Variants in CNIH3 observed in about 807,000 individuals in gnomAD.
CNIH3 encodes protein cornichon homolog 3.
A neutral mutation model predicts 24.1 loss-of-function variants in CNIH3; 14 were observed. That is an observed-to-expected ratio of 0.58 (90% confidence interval 0.38 to 0.91). The LOEUF (loss-of-function observed/expected upper bound fraction) is 0.91. Among genes scored for constraint, CNIH3 ranks in the 40% least tolerant of loss-of-function variants. CNIH3 has a pLI of 0.00. For missense variants in CNIH3, 178 were observed against 196.8 expected, an observed-to-expected ratio of 0.90 and a Z score of 0.57; for synonymous variants, 68 against 73.8, an observed-to-expected ratio of 0.92 and a Z score of 0.40.
chr1:224,616,607 G>C lies in CNIH3; in HGVS notation c.-568G>C. ...ACCTACCTCCTCCCGGCTACCTAAA[G>C]ACTCCTTCTCTCGGGAAAGAGCGCT... is the stretch of plus-strand genomic sequence containing the variant. On this transcript the variant is annotated 5_prime_UTR_variant, in exon 1 of 6. Coordinates refer to ENST00000272133, the MANE Select transcript of CNIH3 (RefSeq NM_152495.2). 1 of 987,108 alleles carries C rather than the reference G, an allele frequency of 1.0e-6. No homozygotes were observed. The highest frequency in any genetic ancestry group is 1.2e-6 in the Non-Finnish European group (1 of 831,154). The allele number at this position is 987,108 out of a possible 1,614,324, so 61.1% of individuals were successfully genotyped here. A position where few individuals can be genotyped will look rare whatever the true frequency, so the allele number is the denominator to read the frequency against.
chr1:224,727,916 T>C lies in CNIH3; in HGVS notation c.199-2546T>C, dbSNP rs113602279. ...GCTTTTTTCCCAACCTCCAAAAGGC[T>C]GGAGACCTCCGTGACTAGCTGGCCT... is the stretch of plus-strand genomic sequence containing the variant. On this transcript the variant is annotated intron_variant, in intron 3 of 5. Transcript: ENST00000272133. Among the ~76,000 whole-genome samples the C allele has an allele frequency of 4.6e-3, 702 of 152,306 alleles. 7 individuals carry two copies. The highest frequency in any genetic ancestry group is 0.016 in the African/African-American group (665 of 41,570).
chr1:224,603,879 C>T (rs1027193387), intron 3 of CNIH3, among the ~76,000 whole-genome samples: 2 of 152,142 alleles, frequency 1.3e-5, no homozygotes, highest in South Asian at 2.1e-4. Context: ...AACATTAATA[C>T]GTGTATCCAC....
At chr1:224,485,422 G>C (rs1042020894) in intron 1 of CNIH3, among the ~76,000 whole-genome samples, 1 of 151,992 alleles carries the variant, frequency 6.6e-6, no homozygotes, top group African/African-American at 2.4e-5. Flanking sequence ...TCCATTCCAG[G>C]TAGACTGCTA....
intron 3 of CNIH3, among the ~76,000 whole-genome samples, chr1:224,726,591 C>T (rs1238002684): frequency 6.6e-6 from 1 of 152,138 alleles, no homozygotes; most frequent in Non-Finnish European, 1.5e-5. Flanking sequence ...TCTCTCTATG[C>T]TTTTGCTTTC....
intron 1 of CNIH3, among the ~76,000 whole-genome samples, chr1:224,645,425 G>A (rs1055598914): frequency 7.9e-5 from 12 of 152,256 alleles, no homozygotes; most frequent in African/African-American, 2.2e-4. Flanking sequence ...TCTGTTCAGC[G>A]TTGTACTGGA....
rs190598351 is a variant in CNIH3 at position 224,443,536 on chromosome 1, G to A, written n.203+8674G>A. Among the ~76,000 whole-genome samples, 434 of 152,224 alleles carry A rather than the reference G, an allele frequency of 2.9e-3. 2 individuals are homozygous for A. Among genetic ancestry groups the A allele is most frequent in the South Asian group, 0.018 (85 of 4,822 alleles). On this transcript the variant is annotated intron_variant and non_coding_transcript_variant, in intron 1 of 5. Transcript: ENST00000471578. Reference sequence around the variant, plus strand: ...GGACAAGACAGGAAAGGTCAGCTCAGGGAGAATACAGGAGCTTCTTTTAAG... The same window carrying A: ...GGACAAGACAGGAAAGGTCAGCTCAAGGAGAATACAGGAGCTTCTTTTAAG...
At chr1:224,634,395 C>A (rs1395448854) in intron 1 of CNIH3, among the ~76,000 whole-genome samples, 1 of 151,948 alleles carries the variant, frequency 6.6e-6, no homozygotes. Flanking sequence ...ATAGTGAAAC[C>A]CCGTCTCTAC....
intron 1 of CNIH3, among the ~76,000 whole-genome samples, chr1:224,620,947 A>AC (rs1162044315): frequency 6.6e-6 from 1 of 152,248 alleles, no homozygotes; most frequent in Non-Finnish European, 1.5e-5. Context: ...GTGTTTACTC[A>AC]CAAGAGCCTT....
chr1:224,740,019 T>G lies in CNIH3; in HGVS notation c.*663T>G. 6.6e-6 allele frequency: 1 copy of G among 152,266 alleles called. No individual in the cohort carries two copies. Among genetic ancestry groups the G allele is most frequent in the East Asian group, 1.9e-4 (1 of 5,196 alleles). 9.4% of individuals were successfully genotyped at this position (152,266 alleles called of 1,614,324 possible). On this transcript the variant is annotated 3_prime_UTR_variant, in exon 6 of 6. Coordinates refer to ENST00000272133, the MANE Select transcript of CNIH3 (RefSeq NM_152495.2). ...AACGTTTGCAACATGATCAAGGTGT[T>G]AGTTCTCCACCACACAAGTTGTATT...
At chr1:224,486,266 C>T (rs1677026001) in intron 1 of CNIH3, among the ~76,000 whole-genome samples, 1 of 151,850 alleles carries the variant, frequency 6.6e-6, no homozygotes, top group Non-Finnish European at 1.5e-5. Flanking sequence ...CCACCATGCC[C>T]AGCTAATTTT....
intron 2 of CNIH3, among the ~76,000 whole-genome samples, chr1:224,536,673 A>G (rs1177177891): frequency 6.6e-6 from 1 of 152,224 alleles, no homozygotes; most frequent in Non-Finnish European, 1.5e-5. Flanking sequence ...GAGATGGGAC[A>G]GATGAAACAA....
chr1:224,671,937 T>C (rs999597394), intron 1 of CNIH3, among the ~76,000 whole-genome samples: 1 of 151,872 alleles, frequency 6.6e-6, no homozygotes, highest in African/African-American at 2.4e-5. Context: ...TTAGAATCAG[T>C]GTACAGAGAG....
At chr1:224,555,965 G>A (rs748699057) in intron 3 of CNIH3, among the ~76,000 whole-genome samples, 2 of 152,200 alleles carry the variant, frequency 1.3e-5, no homozygotes, top group Non-Finnish European at 2.9e-5. Context: ...TGCCGCAGCC[G>A]GCTTTACTCA....
chr1:224,614,508 C>CAAACA (rs1682850310), upstream of CNIH3, among the ~76,000 whole-genome samples: 1 of 152,086 alleles, frequency 6.6e-6, no homozygotes, highest in Non-Finnish European at 1.5e-5. Context: ...CCTATGTCTG[C>CAAACA]AAACAAAACA....
Position 224,684,969 on chromosome 1 carries a change from G to T in CNIH3, c.198+126G>T. ...CACCAGGGAGGCAAATGGTGGCAGG[G>T]AAAGGGGGAGGTGGGAGCAAGTGAT... On this transcript the variant is annotated intron_variant, in intron 3 of 5. Coordinates refer to ENST00000272133, the MANE Select transcript of CNIH3 (RefSeq NM_152495.2). This position sits in a 1 kb window ranked among gnomAD's most constrained non-coding sequence, Gnocchi z 4.2. 1.1e-6 allele frequency: 1 copy of T among 890,884 alleles called. No individual in the cohort carries two copies. 55.2% of individuals were successfully genotyped at this position (890,884 alleles called of 1,614,324 possible). A position where few individuals can be genotyped will look rare whatever the true frequency, so the allele number is the denominator to read the frequency against.
chr1:224,550,057 T>C (rs1054251742), intron 3 of CNIH3, among the ~76,000 whole-genome samples: 1 of 152,284 alleles, frequency 6.6e-6, no homozygotes, highest in East Asian at 1.9e-4. Flanking sequence ...ATTTCTATAA[T>C]ATCTACAGTT....
chr1:224,595,895 G>A (rs1681958124), intron 3 of CNIH3, among the ~76,000 whole-genome samples: 1 of 152,272 alleles, frequency 6.6e-6, no homozygotes, highest in Non-Finnish European at 1.5e-5. Flanking sequence ...GGCTGAGAGA[G>A]GTGAGGAAGC....
intron 1 of CNIH3, among the ~76,000 whole-genome samples, chr1:224,660,295 TACTC>T (rs558614931): frequency 1.8e-4 from 28 of 152,234 alleles, no homozygotes; most frequent in South Asian, 1.2e-3. Context: ...TCGTGAGACT[TACTC>T]ACTACCACGA....
intron 1 of CNIH3, among the ~76,000 whole-genome samples, chr1:224,643,337 A>C (rs1215561787): frequency 6.6e-6 from 1 of 152,234 alleles, no homozygotes; most frequent in Non-Finnish European, 1.5e-5. Flanking sequence ...TATTTGCAGC[A>C]TCTTTTGGAC....
Sources: gnomAD v4.1 joint callset for allele counts (sites outside exome capture counted in the v4.1 genomes callset) on GRCh38, gnomAD v4.1.1 for gene constraint, Gnocchi (gnomAD v3.1) non-coding constraint, MANE v1.5 for transcripts, NCBI Gene and HGNC (gene_info 2026-07-23, HGNC 2026-07-21) for gene names.